CD96: variants seen among roughly 807,000 people sequenced by gnomAD.
CD96 encodes CD96 molecule, also known as T-cell surface protein tactile.
CD96 carries 70 observed loss-of-function variants against 71.3 expected under a neutral mutation model. The observed-to-expected ratio is 0.98, with a 90% CI of 0.81 to 1.20. The LOEUF (loss-of-function observed/expected upper bound fraction) is 1.20, where lower values mean the gene tolerates loss of function less well. Ranked by LOEUF, CD96 falls within the 50% of genes most tolerant of loss-of-function variation. The probability of loss-of-function intolerance (pLI) is 0.00; values close to 1 mark genes in which losing one functional copy is unlikely to be tolerated. For synonymous variants in CD96, 248 were observed against 233.0 expected (o/e 1.06, Z -0.59); for missense variants, 742 against 677.5 (o/e 1.10, Z -1.06).
chr3:111,653,499 G>A (rs1940156156), downstream of CD96, among the ~76,000 whole-genome samples: 1 of 152,270 alleles, frequency 6.6e-6, no homozygotes, highest in Non-Finnish European at 1.5e-5. Context: ...AGAAGATATG[G>A]TTGACTTCCC....
chr3:111,550,607 T>C (rs1356024081), intron 2 of CD96, among the ~76,000 whole-genome samples: 2 of 150,724 alleles, frequency 1.3e-5, no homozygotes, highest in Non-Finnish European at 3.0e-5. Flanking sequence ...AAAAGAACAG[T>C]TTTTTTTTAT....
chr3:111,556,840 G>A (rs1019513117), intron 2 of CD96, among the ~76,000 whole-genome samples: 9 of 151,354 alleles, frequency 5.9e-5, no homozygotes, highest in Middle Eastern at 3.4e-3. Flanking sequence ...AAGTGTTCCT[G>A]TTTCTCCACA....
intron 5 of CD96, chr3:111,593,615 C>T (rs946025078): frequency 3.2e-6 from 5 of 1,586,386 alleles, no homozygotes; most frequent in East Asian, 2.2e-5. Context: ...CTTCTCAGCC[C>T]TCACCTTCCA....
intron 9 of CD96, 152 bp downstream of exon 9, chr3:111,623,974 C>A (rs1938627756): frequency 2.9e-6 from 2 of 685,208 alleles, no homozygotes; most frequent in Non-Finnish European, 2.7e-6. Flanking sequence ...TCTGCGGTGA[C>A]TATATATTGA....
At chr3:111,585,297 C>G (rs1450315044) in intron 4 of CD96, 26 bp from the exon 5 acceptor site, 1 of 1,546,020 alleles carries the variant, frequency 6.5e-7, no homozygotes, top group Admixed American at 1.7e-5. Flanking sequence ...TTTGGTGCCA[C>G]TAACTATGTT....
intron 8 of CD96, among the ~76,000 whole-genome samples, chr3:111,614,713 T>A (rs1938142013): frequency 6.6e-6 from 1 of 152,186 alleles, no homozygotes; most frequent in African/African-American, 2.4e-5. Context: ...TGTGGCCCTG[T>A]CTCTCTTCTC....
intron 5 of CD96, among the ~76,000 whole-genome samples, chr3:111,588,502 C>G (rs1390229244): frequency 6.6e-6 from 1 of 152,238 alleles, no homozygotes; most frequent in Non-Finnish European, 1.5e-5. Flanking sequence ...ACTGTTCCAA[C>G]CTCTGCCTGT....
At chr3:111,561,462 C>A (rs1049209193) in intron 2 of CD96, among the ~76,000 whole-genome samples, 2 of 139,158 alleles carry the variant, frequency 1.4e-5, no homozygotes, top group East Asian at 2.1e-4. Context: ...GTTGGAATAC[C>A]CTGCCTTGTG....
At chr3:111,565,300 G>A (rs976114588) in intron 2 of CD96, among the ~76,000 whole-genome samples, 7 of 152,062 alleles carry the variant, frequency 4.6e-5, no homozygotes, top group Non-Finnish European at 8.8e-5. Context: ...TTTAGTGTTC[G>A]TGTAGATATG....
intron 8 of CD96, among the ~76,000 whole-genome samples, chr3:111,620,554 T>G (rs999204385): frequency 2.0e-4 from 30 of 152,186 alleles, no homozygotes; most frequent in African/African-American, 7.2e-4. Context: ...AAAGGGGTCA[T>G]TATCCCAATA....
intron 1 of CD96, among the ~76,000 whole-genome samples, chr3:111,543,481 G>A (rs909395416): frequency 1.3e-5 from 2 of 152,126 alleles, no homozygotes; most frequent in African/African-American, 4.8e-5. Context: ...TTCAATCCTT[G>A]TATATTGAAA....
At chr3:111,623,899 T>C in intron 9 of CD96, 77 bp downstream of exon 9, 3 of 962,698 alleles carry the variant, frequency 3.1e-6, no homozygotes, top group Non-Finnish European at 5.1e-6. Flanking sequence ...TTCTATAATG[T>C]TGACGTTTCA....
chr3:111,609,026 T>C (rs1937770701), intron 8 of CD96, among the ~76,000 whole-genome samples: 1 of 152,216 alleles, frequency 6.6e-6, no homozygotes, highest in Admixed American at 6.5e-5. Flanking sequence ...TGTGAGTTCA[T>C]GGGCTCAGAA....
chr3:111,619,809 G>T (rs546539013), intron 8 of CD96, among the ~76,000 whole-genome samples: 6 of 152,320 alleles, frequency 3.9e-5, no homozygotes, highest in African/African-American at 1.4e-4. Context: ...TCCAGGTCAG[G>T]TTCTAAGAAG....
intron 8 of CD96, 134 bp downstream of exon 8, chr3:111,606,926 T>C: frequency 2.8e-6 from 2 of 708,336 alleles, no homozygotes; most frequent in East Asian, 5.4e-5. Context: ...TTTTATTTTT[T>C]AACAGCTTTA....
intron 1 of CD96, among the ~76,000 whole-genome samples, chr3:111,542,895 C>G (rs1464101237): frequency 6.6e-6 from 1 of 152,144 alleles, no homozygotes. Flanking sequence ...GAGAAGGAAG[C>G]AAGATTAGTT....
At chr3:111,598,392 G>A (rs1370608489) in intron 6 of CD96, among the ~76,000 whole-genome samples, 182 bp downstream of exon 6, 1 of 152,154 alleles carries the variant, frequency 6.6e-6, no homozygotes, top group African/African-American at 2.4e-5. Context: ...CAAGGGGGTG[G>A]AGTGTAACAT....
chr3:111,627,330 G>A (rs971599432), intron 10 of CD96, among the ~76,000 whole-genome samples: 1 of 152,184 alleles, frequency 6.6e-6, no homozygotes, highest in Admixed American at 6.5e-5. Context: ...AAGTCCAAAC[G>A]GAACAGAGCA....
chr3:111,609,615 G>A (rs1231956738), intron 8 of CD96, among the ~76,000 whole-genome samples: 1 of 152,130 alleles, frequency 6.6e-6, no homozygotes. Context: ...GAAAGCAGTT[G>A]TTACACTTCA....
Sources: allele counts gnomAD v4.1 joint callset (sites outside exome capture counted in the v4.1 genomes callset), GRCh38; gene constraint gnomAD v4.1.1; transcripts MANE v1.5; gene names NCBI Gene and HGNC (gene_info 2026-07-23, HGNC 2026-07-21).